The following HTR7 variants were observed in gnomAD, a reference collection of about 807,000 sequenced individuals.
The protein encoded by HTR7 is 5-hydroxytryptamine receptor 7.
In HTR7, 16 loss-of-function variants were observed where a neutral mutation model predicts 34.0. That is an observed-to-expected ratio of 0.47 (90% CI 0.32 to 0.71). The LOEUF is 0.71. Among genes scored for constraint, HTR7 ranks in the 30% least tolerant of loss-of-function variants. HTR7 has a pLI of 0.04. For synonymous variants in HTR7, 265 were observed against 260.2 expected, an observed-to-expected ratio of 1.02 and a Z score of -0.18; for missense variants, 504 against 625.5, an observed-to-expected ratio of 0.81 and a Z score of 2.07.
intron 1 of HTR7, among the ~76,000 whole-genome samples, chr10:90,827,964 G>A (rs1255524915): frequency 6.6e-6 from 1 of 152,110 alleles, no homozygotes; most frequent in Admixed American, 6.5e-5. Context: ...CATATATTAG[G>A]ACACAAAACA....
At chr10:90,836,390 C>T (rs1002927708) in intron 1 of HTR7, among the ~76,000 whole-genome samples, 13 of 152,262 alleles carry the variant, frequency 8.5e-5, no homozygotes, top group African/African-American at 2.9e-4. Context: ...TAACCTAAGT[C>T]CCTGGTACAG....
chr10:90,816,086 C>G (rs1845895190), intron 1 of HTR7, among the ~76,000 whole-genome samples: 1 of 152,282 alleles, frequency 6.6e-6, no homozygotes, highest in African/African-American at 2.4e-5. Flanking sequence ...CGAGGAGATA[C>G]TCATGAGCAA....
At chr10:90,763,788 C>G (rs914764711) in intron 1 of HTR7, among the ~76,000 whole-genome samples, 1 of 152,194 alleles carries the variant, frequency 6.6e-6, no homozygotes, top group Non-Finnish European at 1.5e-5. Flanking sequence ...CTGCAAAGGA[C>G]ATGATCTCAT....
At chr10:90,813,884 C>CGCA (rs1845857471) in intron 1 of HTR7, among the ~76,000 whole-genome samples, 1 of 152,146 alleles carries the variant, frequency 6.6e-6, no homozygotes, top group Non-Finnish European at 1.5e-5. Context: ...ATGTAAACAT[C>CGCA]GCACCTGGTC....
intron 1 of HTR7, among the ~76,000 whole-genome samples, chr10:90,767,850 A>T (rs1564675180): frequency 6.6e-6 from 1 of 151,536 alleles, no homozygotes; most frequent in African/African-American, 2.4e-5. Flanking sequence ...TCCCAGGGGG[A>T]GTTTTCCAAG....
intron 1 of HTR7, among the ~76,000 whole-genome samples, chr10:90,828,632 G>A (rs1392580358): frequency 6.6e-6 from 1 of 152,032 alleles, no homozygotes; most frequent in Non-Finnish European, 1.5e-5. Context: ...AACTTACCAA[G>A]ATTGAACCAT....
At chr10:90,817,965 G>A (rs1157749166) in intron 1 of HTR7, among the ~76,000 whole-genome samples, 2 of 152,130 alleles carry the variant, frequency 1.3e-5, no homozygotes, top group Non-Finnish European at 1.5e-5. Flanking sequence ...ATACACAAAA[G>A]AATACATATT....
Position 90,844,726 on chromosome 10 carries a change from CAAAAAAAAAAAAAAAAAA to C in HTR7, c.539+12389_539+12406del, listed in dbSNP as rs71025328. ...TGGGCAACAGAATGAGACTCCGTCT[CAAAAAAAAAAAAAAAAAA>C]AAAAAAAAAAAAAAAAAAAAGATCA... On this transcript the variant is annotated intron_variant, in intron 1 of 3. Coordinates refer to ENST00000336152, the MANE Select transcript of HTR7 (RefSeq NM_019859.4). 4.1e-4 allele frequency among the ~76,000 whole-genome samples: 16 copies of C among 39,506 alleles called. No homozygotes were observed. The East Asian group carries it at 4.9e-3, about 12-fold the overall frequency. The allele number at this position is 39,506 out of a possible 152,430, so 25.9% of individuals were successfully genotyped here.
chr10:90,834,462 G>T (rs932157883), intron 1 of HTR7, among the ~76,000 whole-genome samples: 1 of 152,140 alleles, frequency 6.6e-6, no homozygotes, highest in Non-Finnish European at 1.5e-5. Flanking sequence ...AAAACCTTGC[G>T]GCTTAAACCA....
chr10:90,783,018 G>C (rs2119852238), intron 1 of HTR7, among the ~76,000 whole-genome samples: 1 of 152,288 alleles, frequency 6.6e-6, no homozygotes, highest in East Asian at 1.9e-4. Context: ...TTGGTGACTA[G>C]GAGCTTACTG....
At chr10:90,765,521 T>C (rs1300626471) in intron 1 of HTR7, among the ~76,000 whole-genome samples, 1 of 141,122 alleles carries the variant, frequency 7.1e-6, no homozygotes, top group Admixed American at 7.0e-5. Context: ...TCTAGTCTAT[T>C]TCATTTTTTT....
intron 1 of HTR7, among the ~76,000 whole-genome samples, chr10:90,827,008 A>C (rs1846087979): frequency 1.3e-5 from 2 of 151,944 alleles, no homozygotes; most frequent in Non-Finnish European, 1.5e-5. Context: ...TATTATTTGC[A>C]AGCCTCATAG....
At chr10:90,842,515 G>C (rs910797115) in intron 1 of HTR7, among the ~76,000 whole-genome samples, 1 of 152,098 alleles carries the variant, frequency 6.6e-6, no homozygotes, top group African/African-American at 2.4e-5. Context: ...CATCACCCAG[G>C]AGTAGGGGTG....
chr10:90,837,756 C>T lies in HTR7; in HGVS notation c.539+19377G>A, dbSNP rs544734504. On this transcript the variant is annotated intron_variant, in intron 1 of 3. Coordinates refer to ENST00000336152, the MANE Select transcript of HTR7 (RefSeq NM_019859.4). ...AGGTCCTTTGACTTCCAGGTGAGTG[C>T]CTATCAGCAAAACTTCTTGGAAGAG... is the stretch of plus-strand genomic sequence containing the variant. Among the ~76,000 whole-genome samples, 3 of 152,292 alleles carry T rather than the reference C, an allele frequency of 2.0e-5. No homozygotes were observed. In the South Asian group the frequency reaches 6.2e-4, roughly 32 times the overall value.
At chr10:90,794,174 T>C (rs1267217454) in intron 1 of HTR7, among the ~76,000 whole-genome samples, 6 of 151,918 alleles carry the variant, frequency 3.9e-5, no homozygotes, top group African/African-American at 1.5e-4. Flanking sequence ...ACACACACAT[T>C]AGCCTCGGCC....
At chr10:90,823,972 G>A (rs1846028184) in intron 1 of HTR7, among the ~76,000 whole-genome samples, 1 of 152,208 alleles carries the variant, frequency 6.6e-6, no homozygotes, top group Non-Finnish European at 1.5e-5. Context: ...TCAGAATTGT[G>A]AGTCAATTAA....
intron 1 of HTR7, among the ~76,000 whole-genome samples, chr10:90,750,778 T>G (rs1227720725): frequency 6.6e-6 from 1 of 152,194 alleles, no homozygotes; most frequent in African/African-American, 2.4e-5. Flanking sequence ...AAATCATACT[T>G]TCACAATGAA....
chr10:90,755,842 C>A (rs895477150), intron 1 of HTR7, among the ~76,000 whole-genome samples: 1 of 152,186 alleles, frequency 6.6e-6, no homozygotes. Flanking sequence ...AAATAATACA[C>A]ACTCTATGAT....
intron 1 of HTR7, among the ~76,000 whole-genome samples, chr10:90,831,240 A>G (rs1301191854): frequency 4.6e-5 from 7 of 152,164 alleles, no homozygotes; most frequent in Admixed American, 6.5e-5. Context: ...CGTGAGTGTT[A>G]CAGTTCTTAA....
Sources: gnomAD v4.1 joint callset for allele counts (sites outside exome capture counted in the v4.1 genomes callset) on GRCh38, gnomAD v4.1.1 for gene constraint, MANE v1.5 for transcripts, NCBI Gene and HGNC (gene_info 2026-07-23, HGNC 2026-07-21) for gene names.